The following FGF14 variants were observed in gnomAD, a reference collection of about 807,000 sequenced individuals.
FGF14 encodes fibroblast growth factor homologous factor 4.
Under a neutral mutation model 25.5 loss-of-function variants are expected in FGF14, and 5 were observed. That is an observed-to-expected ratio of 0.20 (90% confidence interval 0.10 to 0.41). The LOEUF is 0.41. Among genes scored for constraint, FGF14 ranks in the 10% least tolerant of loss-of-function variants. FGF14 has a pLI of 1.00. For synonymous variants in FGF14, 138 were observed against 118.3 expected (o/e 1.17, Z -1.08); for missense variants, 222 against 320.1 (o/e 0.69, Z 2.34).
chr13:101,772,404 G>A (rs1420234457), intron 3 of FGF14, among the ~76,000 whole-genome samples: 3 of 150,660 alleles, frequency 2.0e-5, no homozygotes, highest in Non-Finnish European at 4.4e-5. Flanking sequence ...TAGACAGTCT[G>A]TCTTTAAACT....
intron 1 of FGF14, among the ~76,000 whole-genome samples, chr13:102,209,176 C>T (rs1218918607): frequency 6.6e-6 from 1 of 152,218 alleles, no homozygotes; most frequent in Non-Finnish European, 1.5e-5. Flanking sequence ...GCTGAGCTGA[C>T]CCTTCAGCTT....
At position 102,336,002 on chromosome 13, in the gene FGF14, T is replaced by C. The variant is rs1021690226; in HGVS notation, c.208+65469A>G. ...GGCTGTTCCCCCATCTCTTTCCCTC[T>C]CCCCAGCCCTCTCTATTCCCTGAAA... On this transcript the variant is annotated intron_variant, in intron 1 of 4. Coordinates refer to the FGF14 transcript ENST00000376131. Among the ~76,000 whole-genome samples, 5 of 152,194 alleles carry C rather than the reference T, an allele frequency of 3.3e-5. No homozygotes were observed. In the East Asian group the frequency reaches 9.6e-4, roughly 29 times the overall value.
intron 1 of FGF14, among the ~76,000 whole-genome samples, chr13:102,183,567 G>C (rs1317034054): frequency 1.3e-5 from 2 of 152,166 alleles, no homozygotes; most frequent in African/African-American, 2.4e-5. Context: ...CTGGGAATAA[G>C]AACCCCAGAC....
chr13:101,933,472 C>A (rs1317637679), intron 1 of FGF14, among the ~76,000 whole-genome samples: 1 of 152,118 alleles, frequency 6.6e-6, no homozygotes. Flanking sequence ...GCCTGTAATT[C>A]CAGCACTTTG....
rs115399554 is a variant in FGF14, at chr13:102,340,928, A to C, written c.208+60543T>G. Among the ~76,000 whole-genome samples, 393 of 152,316 alleles carry C rather than the reference A, an allele frequency of 2.6e-3. 1 individual carries two copies. Among genetic ancestry groups the C allele is most frequent in the African/African-American group, 9.3e-3 (385 of 41,584 alleles). On this transcript the variant is annotated intron_variant, in intron 1 of 4. Transcript: ENST00000376131. ...TACTATCTGCTCATCACTGAATTTG[A>C]TGCTGAGATTTTTATTAAGTAAAAT...
intron 1 of FGF14, among the ~76,000 whole-genome samples, chr13:102,025,823 C>T (rs545526708): frequency 1.2e-4 from 19 of 152,118 alleles, no homozygotes; most frequent in Admixed American, 7.9e-4. Context: ...TATAGAAATA[C>T]AATTGATTGT....
chr13:102,025,030 C>T (rs1244913940), intron 1 of FGF14, among the ~76,000 whole-genome samples: 2 of 150,450 alleles, frequency 1.3e-5, no homozygotes, highest in Admixed American at 1.3e-4. Context: ...TATATATATT[C>T]ATATAATTAT....
chr13:101,957,362 T>C (rs1276032402), intron 1 of FGF14, among the ~76,000 whole-genome samples: 1 of 152,080 alleles, frequency 6.6e-6, no homozygotes, highest in African/African-American at 2.4e-5. Flanking sequence ...ACTATATATG[T>C]TAGACAAAGA....
intron 3 of FGF14, among the ~76,000 whole-genome samples, chr13:101,729,709 G>T (rs187980081): frequency 1.3e-4 from 19 of 151,674 alleles, no homozygotes; most frequent in Admixed American, 1.3e-3. Flanking sequence ...ATTATTTGTA[G>T]TAAAAAATAT....
chr13:101,953,699 T>C (rs1265766665), intron 1 of FGF14, among the ~76,000 whole-genome samples: 5 of 151,736 alleles, frequency 3.3e-5, no homozygotes, highest in African/African-American at 9.7e-5. Context: ...CAAGCGATTC[T>C]CCTGCCTCAG....
At chr13:102,140,273 T>C (rs1237642972) in intron 1 of FGF14, among the ~76,000 whole-genome samples, 1 of 152,176 alleles carries the variant, frequency 6.6e-6, no homozygotes, top group Non-Finnish European at 1.5e-5. Context: ...CCCAATACAG[T>C]ATCTGGTATA....
At chr13:102,075,118 G>A (rs577928472) in intron 1 of FGF14, among the ~76,000 whole-genome samples, 1 of 152,090 alleles carries the variant, frequency 6.6e-6, no homozygotes, top group Non-Finnish European at 1.5e-5. Context: ...CCAAGACAGA[G>A]ATGAAAAAAT....
rs34628929 is a variant in FGF14 at position 101,721,858 on chromosome 13, CTTTTTTT to C, written c.*966_*972del. 1.4e-5 allele frequency: 2 copies of C among 144,750 alleles called. No homozygotes were observed. Among genetic ancestry groups the C allele is most frequent in the Non-Finnish European group, 3.0e-5 (2 of 66,156 alleles). The allele number at this position is 144,750 out of a possible 1,614,324, so 9.0% of individuals were successfully genotyped here. ...TTGTAGGTTATAATTACTGATTTTC[CTTTTTTT>C]TTTTTTCCAAATAATGAGAATTAAT... is the stretch of plus-strand genomic sequence containing the variant. On this transcript the variant is annotated 3_prime_UTR_variant, in exon 5 of 5. Transcript: ENST00000376143.
chr13:102,085,251 A>AG (rs61155262), intron 1 of FGF14, among the ~76,000 whole-genome samples: 7 of 150,036 alleles, frequency 4.7e-5, no homozygotes, highest in Non-Finnish European at 7.4e-5. Context: ...CTGGTGGGGG[A>AG]GGGGGAGGAA....
intron 1 of FGF14, among the ~76,000 whole-genome samples, chr13:102,247,767 C>G (rs1221086398): frequency 1.3e-5 from 2 of 152,134 alleles, no homozygotes; most frequent in Non-Finnish European, 2.9e-5. Flanking sequence ...ATACATCGCT[C>G]TACCATAATG....
intron 3 of FGF14, chr13:101,801,895 C>A: frequency 2.5e-6 from 1 of 398,616 alleles, no homozygotes; most frequent in South Asian, 2.2e-5. Context: ...AAGGTGACAC[C>A]AAGAAACCAA....
chr13:101,774,845 G>A (rs1414696897), intron 3 of FGF14, among the ~76,000 whole-genome samples: 1 of 151,816 alleles, frequency 6.6e-6, no homozygotes, highest in Non-Finnish European at 1.5e-5. Context: ...ATGAGGTCAG[G>A]AGTTCAAAAC....
chr13:101,989,412 AAAG>A (rs957064636), intron 1 of FGF14, among the ~76,000 whole-genome samples: 2 of 152,072 alleles, frequency 1.3e-5, no homozygotes, highest in Admixed American at 6.6e-5. Flanking sequence ...TGTTGATTAT[AAAG>A]AAGAATAATG....
chr13:102,289,099 C>T (rs1340808518), intron 1 of FGF14, among the ~76,000 whole-genome samples: 4 of 152,122 alleles, frequency 2.6e-5, no homozygotes, highest in Admixed American at 1.3e-4. Context: ...CAGTCAGAAA[C>T]TCCTCAACAC....
Sources: gnomAD v4.1 joint callset for allele counts (sites outside exome capture counted in the v4.1 genomes callset) on GRCh38, gnomAD v4.1.1 for gene constraint, MANE v1.5 for transcripts, NCBI Gene and HGNC (gene_info 2026-07-23, HGNC 2026-07-21) for gene names.